SCAPER: variants seen among roughly 807,000 people sequenced by gnomAD.
SCAPER encodes S phase cyclin A-associated protein in the endoplasmic reticulum.
In SCAPER, 98 loss-of-function variants were observed where a neutral mutation model predicts 182.2. The observed-to-expected ratio is 0.54, with a 90% CI of 0.46 to 0.64. The LOEUF (loss-of-function observed/expected upper bound fraction) is 0.64, where lower values mean the gene tolerates loss of function less well. SCAPER is among the 30% of genes least tolerant of loss of function. The pLI is 0.00. For missense variants in SCAPER, 1,432 were observed against 1,690.0 expected (o/e 0.85, Z 2.68); for synonymous variants, 605 against 564.6 (o/e 1.07, Z -1.01).
chr15:76,790,741 G>A (rs2064952125), intron 8 of SCAPER, among the ~76,000 whole-genome samples: 1 of 152,114 alleles, frequency 6.6e-6, no homozygotes, highest in Non-Finnish European at 1.5e-5. Context: ...GTAGTAATAT[G>A]TAACTAGTGG....
At chr15:76,811,294 T>C (rs1234830828) in intron 5 of SCAPER, among the ~76,000 whole-genome samples, 1 of 152,104 alleles carries the variant, frequency 6.6e-6, no homozygotes, top group Non-Finnish European at 1.5e-5. Context: ...CAAGTATGTT[T>C]TCCAACCGCA....
Position 76,812,483 on chromosome 15 carries a change from G to GA in SCAPER, c.394-7851dup, listed in dbSNP as rs59087455. Among the ~76,000 whole-genome samples, 551 of 101,766 alleles carry GA rather than the reference G, an allele frequency of 5.4e-3. 7 individuals are homozygous for GA. The highest frequency in any genetic ancestry group is 0.043 in the South Asian group (118 of 2,738). The allele number at this position is 101,766 out of a possible 152,430, so 66.8% of individuals were successfully genotyped here. On this transcript the variant is annotated intron_variant, in intron 5 of 31. Coordinates refer to ENST00000563290, the MANE Select transcript of SCAPER (RefSeq NM_020843.4). Reference sequence around the variant, plus strand: ...AGCCTGGGTGACGGAGTGAGACTCTGAAAAAAAAAAAAAAAAAGAAAGAAA... The same window carrying GA: ...AGCCTGGGTGACGGAGTGAGACTCTGAAAAAAAAAAAAAAAAAAGAAAGAAA...
rs550142086 is a variant in SCAPER, at chr15:76,701,816, T to C, written c.2450A>G (p.Gln817Arg). 24 of 1,613,792 alleles carry C rather than the reference T, an allele frequency of 1.5e-5. No homozygotes were observed. In the South Asian group the frequency reaches 2.1e-4, roughly 14 times the overall value. ...LFSHVKGRKHQQAVRENTSIQ... is the reference protein window; with the variant it reads ...LFSHVKGRKHRQAVRENTSIQ... ...GCTGGTATTCTCTCTCACGGCTTGC[T>C]GGTGTTTTCTCCCTTTAACATGGCT... Residue 817 changes from glutamine (Q) to arginine (R), a missense_variant, in exon 20 of 32, where the codon CAG becomes CGG. Gln to Arg is a conservative substitution (Grantham distance 43, BLOSUM62 1). Around this residue, in one of 5 missense-constraint regions of SCAPER, gnomAD observed 718 missense variants for 799.7 expected, o/e 0.90. Transcript: ENST00000563290.
chr15:76,759,330 G>A (rs1055954152), intron 14 of SCAPER, among the ~76,000 whole-genome samples: 4 of 152,202 alleles, frequency 2.6e-5, no homozygotes, highest in Non-Finnish European at 4.4e-5. Context: ...CAATATCAAG[G>A]TGGTGGCATC....
intron 5 of SCAPER, among the ~76,000 whole-genome samples, chr15:76,810,639 TAATTA>T (rs936937612): frequency 2.0e-5 from 3 of 150,492 alleles, no homozygotes; most frequent in African/African-American, 7.3e-5. Context: ...ACAAAACAGT[TAATTA>T]AAAGGTAGTA....
In SCAPER at chr15:76,572,915, T is replaced by TCA. The variant is rs376553582; in HGVS notation, c.2838+1242_2838+1243insTG. On this transcript the variant is annotated intron_variant, in intron 23 of 31. Transcript: ENST00000563290. ...CTCTCTCTCTCTCTCTCTCTCTCTC[T>TCA]CTCTCACACACACACACACACACAC... Among the ~76,000 whole-genome samples, 359 of 131,254 alleles carry TCA rather than the reference T, an allele frequency of 2.7e-3. 5 individuals are homozygous for TCA. In the East Asian group the frequency reaches 0.033, roughly 12 times the overall value. The allele number at this position is 131,254 out of a possible 152,430, so 86.1% of individuals were successfully genotyped here. A position where few individuals can be genotyped will look rare whatever the true frequency, so the allele number is the denominator to read the frequency against.
At chr15:76,806,879 A>C (rs2066200913) in intron 5 of SCAPER, among the ~76,000 whole-genome samples, 1 of 152,098 alleles carries the variant, frequency 6.6e-6, no homozygotes. Flanking sequence ...CTAGTGTATA[A>C]AAATACAACT....
intron 23 of SCAPER, among the ~76,000 whole-genome samples, chr15:76,540,977 C>T (rs1042408432): frequency 7.9e-5 from 12 of 151,612 alleles, no homozygotes; most frequent in Middle Eastern, 3.4e-3. Context: ...AAAAATTAGC[C>T]GGGCATGGTG....
At chr15:76,638,733 G>A (rs1039457710) in intron 21 of SCAPER, among the ~76,000 whole-genome samples, 8 of 151,948 alleles carry the variant, frequency 5.3e-5, no homozygotes, top group East Asian at 3.9e-4. Context: ...AAACTATGTC[G>A]AGAATGACAA....
chr15:76,814,682 T>C (rs866802247), intron 5 of SCAPER, among the ~76,000 whole-genome samples: 51 of 152,102 alleles, frequency 3.4e-4, no homozygotes, highest in African/African-American at 1.1e-3. Flanking sequence ...AAAGGAAAAG[T>C]TCCTTAATAG....
At chr15:76,426,211 G>C (rs1377851505) in intron 26 of SCAPER, among the ~76,000 whole-genome samples, 1 of 152,242 alleles carries the variant, frequency 6.6e-6, no homozygotes, top group Non-Finnish European at 1.5e-5. Context: ...GCCCCCAGAG[G>C]TGGAGTCTAC....
chr15:76,470,880 A>G (rs2050102332), intron 25 of SCAPER, among the ~76,000 whole-genome samples: 1 of 152,172 alleles, frequency 6.6e-6, no homozygotes, highest in African/African-American at 2.4e-5. Context: ...TTTCTACAGT[A>G]CTAATTCCTG....
chr15:76,836,246 A>G (rs1360227290), intron 5 of SCAPER, among the ~76,000 whole-genome samples: 1 of 152,190 alleles, frequency 6.6e-6, no homozygotes, highest in African/African-American at 2.4e-5. Flanking sequence ...GGAACCAAAA[A>G]AGAGCCCCAA....
At chr15:76,692,177 T>C (rs980316570) in intron 20 of SCAPER, among the ~76,000 whole-genome samples, 3 of 152,212 alleles carry the variant, frequency 2.0e-5, no homozygotes, top group African/African-American at 7.2e-5. Context: ...TCAGGTTTTG[T>C]AAATGTTCCT....
chr15:76,721,560 A>G (rs1051039300), intron 17 of SCAPER, among the ~76,000 whole-genome samples: 1 of 152,086 alleles, frequency 6.6e-6, no homozygotes, highest in Non-Finnish European at 1.5e-5. Flanking sequence ...ACCCATGAGC[A>G]TGGAATGTTC....
intron 25 of SCAPER, among the ~76,000 whole-genome samples, chr15:76,437,321 A>G (rs995411299): frequency 2.0e-4 from 30 of 152,114 alleles, no homozygotes; most frequent in African/African-American, 7.2e-4. Context: ...GCGTTTTGCT[A>G]GTTTGGGCAA....
At chr15:76,492,589 C>T (rs2052427064) in intron 24 of SCAPER, among the ~76,000 whole-genome samples, 1 of 152,052 alleles carries the variant, frequency 6.6e-6, no homozygotes, top group South Asian at 2.1e-4. Context: ...TACATGTGGA[C>T]TTGCATATAT....
intron 29 of SCAPER, among the ~76,000 whole-genome samples, chr15:76,372,097 A>C (rs1211897081): frequency 1.3e-5 from 2 of 151,716 alleles, no homozygotes; most frequent in Non-Finnish European, 2.9e-5. Flanking sequence ...ATGTAAACTG[A>C]CCTCTGTAAA....
intron 23 of SCAPER, among the ~76,000 whole-genome samples, chr15:76,550,871 T>G (rs2468129): frequency 0.16 from 23,762 of 152,074 alleles, 2,088 homozygotes; most frequent in African/African-American, 0.25. Flanking sequence ...TTCTTGACTT[T>G]TTAATAATCG....
Sources: allele counts gnomAD v4.1 joint callset (sites outside exome capture counted in the v4.1 genomes callset), GRCh38; gene constraint gnomAD v4.1.1; regional missense constraint gnomAD v4.1.1; transcripts MANE v1.5; gene names NCBI Gene and HGNC (gene_info 2026-07-23, HGNC 2026-07-21).